The following PFDN1 variants were observed in gnomAD, a reference collection of about 807,000 sequenced individuals.
PFDN1 encodes prefoldin subunit 1.
A neutral mutation model predicts 17.3 loss-of-function variants in PFDN1; 6 were observed. The ratio of observed to expected loss-of-function variants is 0.35; its 90% confidence interval spans 0.19 to 0.69. PFDN1 has a LOEUF of 0.69. Ranked by LOEUF, PFDN1 falls within the 30% of genes least tolerant of loss-of-function variation. The pLI, the probability that PFDN1 is intolerant of heterozygous loss-of-function variation, is 0.65. For missense variants in PFDN1, 113 were observed against 146.2 expected, an observed-to-expected ratio of 0.77 and a Z score of 1.17; for synonymous variants, 58 against 50.1, an observed-to-expected ratio of 1.16 and a Z score of -0.67.
chr5:140,263,903 C>A (rs886594249), intron 3 of PFDN1, among the ~76,000 whole-genome samples: 6 of 151,392 alleles, frequency 4.0e-5, no homozygotes, highest in African/African-American at 1.5e-4. Flanking sequence ...CGCCTGTAGT[C>A]CCAGCTACTC....
chr5:140,257,946 G>T (rs1204919917), intron 3 of PFDN1, among the ~76,000 whole-genome samples: 2 of 152,192 alleles, frequency 1.3e-5, no homozygotes, highest in African/African-American at 4.8e-5. Context: ...GGATGAGCAG[G>T]AATTAACAAG....
At chr5:140,267,957 C>A (rs1210313941) in intron 3 of PFDN1, among the ~76,000 whole-genome samples, 2 of 152,204 alleles carry the variant, frequency 1.3e-5, no homozygotes, top group African/African-American at 4.8e-5. Context: ...AAAGCAGAGT[C>A]AAACGAACTA....
At chr5:140,262,283 T>C (rs546350497) in intron 3 of PFDN1, among the ~76,000 whole-genome samples, 1 of 152,294 alleles carries the variant, frequency 6.6e-6, no homozygotes, top group Admixed American at 6.5e-5. Flanking sequence ...AGTATCCAAC[T>C]ACAGCATAAG....
intron 3 of PFDN1, among the ~76,000 whole-genome samples, chr5:140,279,959 C>T (rs1765365437): frequency 8.5e-6 from 1 of 118,130 alleles, no homozygotes. Context: ...CACACCATTG[C>T]ACTTCAGCCT....
chr5:140,301,674 T>C (rs1377573034), intron 1 of PFDN1, among the ~76,000 whole-genome samples: 1 of 152,216 alleles, frequency 6.6e-6, no homozygotes, highest in African/African-American at 2.4e-5. Context: ...AATTATTCAT[T>C]TTAAGTTTGT....
chr5:140,250,726 T>C (rs1465805288), intron 3 of PFDN1, among the ~76,000 whole-genome samples: 2 of 152,190 alleles, frequency 1.3e-5, no homozygotes, highest in African/African-American at 2.4e-5. Flanking sequence ...CCCTCCCAAC[T>C]TGAATAATCA....
At position 140,254,032 on chromosome 5, in the gene PFDN1, C is replaced by A. The variant is rs13187241; in HGVS notation, c.286-7975G>T. ...CTTTTTGTTCTAAATCAGGAGTCAG[C>A]AAACTTTTTCTATAAAGGGCCAGAT... On this transcript the variant is annotated intron_variant, in intron 3 of 3. Coordinates refer to ENST00000261813, the MANE Select transcript of PFDN1 (RefSeq NM_002622.5). This position sits in a 1 kb window ranked among gnomAD's most constrained non-coding sequence, Gnocchi z 4.4. 4.6e-5 allele frequency among the ~76,000 whole-genome samples: 7 copies of A among 152,276 alleles called. No homozygotes were observed. The highest frequency in any genetic ancestry group is 1.3e-4 in the Admixed American group (2 of 15,306).
In PFDN1 at chr5:140,251,645, A is replaced by G. The variant is rs1281132255; in HGVS notation, c.286-5588T>C. Among the ~76,000 whole-genome samples the G allele has an allele frequency of 2.0e-5, 3 of 152,214 alleles. No individual in the cohort carries two copies. In the East Asian group the frequency reaches 5.8e-4, roughly 29 times the overall value. The stretch of plus-strand genomic sequence containing the variant: ...GAATGCTTTCACAAGGGAAGTCTCT[A>G]GTGGCATCAAACCACAAAGCTCTGG... On this transcript the variant is annotated intron_variant, in intron 3 of 3. Coordinates refer to ENST00000261813, the MANE Select transcript of PFDN1 (RefSeq NM_002622.5).
At chr5:140,271,912 A>T (rs1765211075) in intron 3 of PFDN1, among the ~76,000 whole-genome samples, 1 of 150,000 alleles carries the variant, frequency 6.7e-6, no homozygotes, top group African/African-American at 2.4e-5. Context: ...TAAATTATAT[A>T]TATACACACA....
chr5:140,265,345 T>C (rs1765120940), intron 3 of PFDN1, among the ~76,000 whole-genome samples: 1 of 152,204 alleles, frequency 6.6e-6, no homozygotes, highest in South Asian at 2.1e-4. Flanking sequence ...TCTGTGGTCC[T>C]GCTACAGTGA....
rs1487352179 is a variant in PFDN1, at chr5:140,254,782, C to CA, written c.286-8726dup. 1.3e-5 allele frequency among the ~76,000 whole-genome samples: 2 copies of CA among 152,208 alleles called. No individual in the cohort carries two copies. The highest frequency in any genetic ancestry group is 2.9e-5 in the Non-Finnish European group (2 of 68,042). Reference sequence around the variant, plus strand: ...CGCTCCAGCATTTCTTCAACCTCGTCACGCAACAACTTGTTCATTTTCCAT... The same window carrying CA: ...CGCTCCAGCATTTCTTCAACCTCGTCAACGCAACAACTTGTTCATTTTCCAT... On this transcript the variant is annotated intron_variant, in intron 3 of 3. Coordinates refer to ENST00000261813, the MANE Select transcript of PFDN1 (RefSeq NM_002622.5). The surrounding 1 kb of genome is among the most constrained non-coding windows in gnomAD (Gnocchi z 4.4).
chr5:140,275,151 G>A (rs912887578), intron 3 of PFDN1, among the ~76,000 whole-genome samples: 5 of 152,114 alleles, frequency 3.3e-5, no homozygotes, highest in African/African-American at 1.2e-4. Context: ...GCTCACACCT[G>A]TAATCCCAGC....
chr5:140,249,401 TACCACA>T (rs1217885720), intron 3 of PFDN1, among the ~76,000 whole-genome samples: 7 of 152,186 alleles, frequency 4.6e-5, no homozygotes, highest in Non-Finnish European at 8.8e-5. Flanking sequence ...ACACCAATTC[TACCACA>T]ATTATTTGGG....
Position 140,256,783 on chromosome 5 carries a change from C to T in PFDN1, c.286-10726G>A, listed in dbSNP as rs1271644128. ...CCAATCCATCGGCAAATCTTATTAGCTTACTTCCAAATATATTCCCAAACT... is the reference window on the plus strand; with the variant it reads ...CCAATCCATCGGCAAATCTTATTAGTTTACTTCCAAATATATTCCCAAACT... On this transcript the variant is annotated intron_variant, in intron 3 of 3. Transcript: ENST00000261813. 2.0e-5 allele frequency among the ~76,000 whole-genome samples: 3 copies of T among 150,320 alleles called. No homozygotes were observed. The East Asian group carries it at 5.9e-4, about 30-fold the overall frequency.
At chr5:140,260,172 C>G (rs1258955930) in intron 3 of PFDN1, among the ~76,000 whole-genome samples, 1 of 151,514 alleles carries the variant, frequency 6.6e-6, no homozygotes. Context: ...ACCTCCGTCT[C>G]TACTAAAAAT....
chr5:140,245,645 A>G lies in PFDN1; in HGVS notation c.*329T>C, dbSNP rs1044646535. On this transcript the variant is annotated 3_prime_UTR_variant, in exon 4 of 4. Transcript: ENST00000261813. ...AACCAGGCTTAGCAGAGTGGGACAG[A>G]CGCTTTTTATTGGTCTGGCTGGCGT... 4 of 683,834 alleles carry G rather than the reference A, an allele frequency of 5.8e-6. No homozygotes were observed. The highest frequency in any genetic ancestry group is 3.6e-5 in the African/African-American group (2 of 56,312). 42.4% of individuals were successfully genotyped at this position (683,834 alleles called of 1,614,324 possible).
intron 2 of PFDN1, among the ~76,000 whole-genome samples, chr5:140,286,306 A>G (rs1318584484): frequency 6.7e-6 from 1 of 150,048 alleles, no homozygotes; most frequent in African/African-American, 2.4e-5. Context: ...CAGCTACTCG[A>G]GAGGCTGAGA....
At chr5:140,247,744 G>C (rs1764849945) in intron 3 of PFDN1, among the ~76,000 whole-genome samples, 1 of 152,146 alleles carries the variant, frequency 6.6e-6, no homozygotes, top group African/African-American at 2.4e-5. Context: ...TTTAAGACCA[G>C]CCTGGCCAAC....
At chr5:140,280,430 T>C (rs1765382786) in intron 3 of PFDN1, among the ~76,000 whole-genome samples, 1 of 152,262 alleles carries the variant, frequency 6.6e-6, no homozygotes, top group Non-Finnish European at 1.5e-5. Flanking sequence ...TTTTCTTTAC[T>C]TGGTTTTTTT....
Sources: allele counts gnomAD v4.1 joint callset (sites outside exome capture counted in the v4.1 genomes callset), GRCh38; gene constraint gnomAD v4.1.1; non-coding constraint Gnocchi (gnomAD v3.1); transcripts MANE v1.5; gene names NCBI Gene and HGNC (gene_info 2026-07-23, HGNC 2026-07-21).